IWS1: variants seen among roughly 807,000 people sequenced by gnomAD.
IWS1 encodes the protein interacts with SUPT6H, CTD assembly factor 1.
A neutral mutation model predicts 86.7 loss-of-function variants in IWS1; 27 were observed. The observed-to-expected ratio is 0.31, with a 90% confidence interval of 0.23 to 0.43. The LOEUF is 0.43. IWS1 is among the 20% of genes least tolerant of loss of function. IWS1 has a pLI of 1.00. For synonymous variants in IWS1, 313 were observed against 335.1 expected, an observed-to-expected ratio of 0.93 and a Z score of 0.72; for missense variants, 827 against 1,000.8, an observed-to-expected ratio of 0.83 and a Z score of 2.34.
intron 10 of IWS1, among the ~76,000 whole-genome samples, chr2:127,491,274 A>T (rs577208243): frequency 4.6e-5 from 7 of 152,368 alleles, no homozygotes; most frequent in Admixed American, 4.6e-4. Context: ...AAGAAAACAC[A>T]TAATTATCTC....
intron 2 of IWS1, among the ~76,000 whole-genome samples, chr2:127,507,040 A>T (rs1691184678): frequency 6.6e-6 from 1 of 152,252 alleles, no homozygotes; most frequent in African/African-American, 2.4e-5. Flanking sequence ...TTACTGAGCC[A>T]AATATTTCTT....
Position 127,492,050 on chromosome 2 carries a change from C to A in IWS1, c.1968G>T (p.Gly656=), listed in dbSNP as rs759433869. 3.7e-6 allele frequency: 6 copies of A among 1,614,050 alleles called. No homozygotes were observed. In the South Asian group the frequency reaches 6.6e-5, roughly 18 times the overall value. Residue 656 remains glycine (G), a synonymous_variant, in exon 10 of 14, where the codon GGG becomes GGT. Transcript: ENST00000295321. ...AGAGATACATCACTGCTCGTCCAAT[C>A]CCACTATGCTTCAGGGTCTCCTGGC... is the stretch of plus-strand genomic sequence containing the variant. ...SVSQETLKHS[G]IGRAVMYLYK...
chr2:127,518,309 G>C (rs1366284626), intron 2 of IWS1, among the ~76,000 whole-genome samples: 1 of 152,044 alleles, frequency 6.6e-6, no homozygotes, highest in African/African-American at 2.4e-5. Flanking sequence ...TGAGCTCAGG[G>C]GCTTGACATC....
intron 2 of IWS1, among the ~76,000 whole-genome samples, chr2:127,520,327 C>G: frequency 6.6e-6 from 1 of 152,092 alleles, no homozygotes. Context: ...AACCACCATG[C>G]CTGGCTAATT....
Position 127,513,723 on chromosome 2 carries a change from TTTC to T in IWS1, c.151-7974_151-7972del, listed in dbSNP as rs1202809819. 8.0e-5 allele frequency among the ~76,000 whole-genome samples: 9 copies of T among 112,632 alleles called. No homozygotes were observed. In the South Asian group the frequency reaches 8.9e-4, roughly 11 times the overall value. The allele number at this position is 112,632 out of a possible 152,430, so 73.9% of individuals were successfully genotyped here. A position where few individuals can be genotyped will look rare whatever the true frequency, so the allele number is the denominator to read the frequency against. ...ATGGCATAGTATTCTACCAAATTAT[TTTC>T]TTTTTTATTTGAAACATTAATGAGC... On this transcript the variant is annotated intron_variant, in intron 2 of 13. Coordinates refer to ENST00000295321, the MANE Select transcript of IWS1 (RefSeq NM_017969.3).
At chr2:127,493,471 T>C in intron 8 of IWS1, 61 bp from the exon 9 acceptor site, 1 of 1,469,006 alleles carries the variant, frequency 6.8e-7, no homozygotes, top group African/African-American at 1.4e-5. Context: ...TCTTCCGACT[T>C]TTCTTACATA....
chr2:127,525,489 A>T (rs1442821541), intron 1 of IWS1, among the ~76,000 whole-genome samples: 2 of 152,204 alleles, frequency 1.3e-5, no homozygotes, highest in African/African-American at 4.8e-5. Flanking sequence ...CCCCAACAGG[A>T]CTAGCACACA....
In IWS1 at chr2:127,494,178, G is replaced by A. The variant is rs181458340; in HGVS notation, c.1799+694C>T. On this transcript the variant is annotated intron_variant, in intron 8 of 13. Transcript: ENST00000295321. The stretch of plus-strand genomic sequence containing the variant: ...TACTTTGCCTTTGGGGTGTTGAGAC[G>A]GGAAGATCGGCTGAGCCCAGGAGTT... Among the ~76,000 whole-genome samples the A allele has an allele frequency of 3.3e-4, 50 of 150,262 alleles. No homozygotes were observed. The Middle Eastern group carries it at 0.014, about 41-fold the overall frequency.
At chr2:127,525,988 G>A (rs1573581273) in intron 1 of IWS1, among the ~76,000 whole-genome samples, 187 bp downstream of exon 1, 1 of 152,340 alleles carries the variant, frequency 6.6e-6, no homozygotes, top group South Asian at 2.1e-4. Flanking sequence ...TTTCCCACCA[G>A]AATCCCCTCT....
chr2:127,507,285 C>T (rs1691196650), intron 2 of IWS1, among the ~76,000 whole-genome samples: 1 of 152,090 alleles, frequency 6.6e-6, no homozygotes, highest in Admixed American at 6.5e-5. Flanking sequence ...TATAAAATAG[C>T]CTACAAAGCC....
At chr2:127,487,679 T>C (rs1689998593) in intron 12 of IWS1, among the ~76,000 whole-genome samples, 1 of 152,142 alleles carries the variant, frequency 6.6e-6, no homozygotes, top group Admixed American at 6.5e-5. Flanking sequence ...GCCTACAAAG[T>C]AGCTGGGACT....
At chr2:127,493,836 C>CA (rs35810945) in intron 8 of IWS1, among the ~76,000 whole-genome samples, 29 of 92,966 alleles carry the variant, frequency 3.1e-4, no homozygotes, top group African/African-American at 3.7e-4. Context: ...ACTGGCAGGA[C>CA]AAAAAAAAAA....
At chr2:127,484,304 A>C (rs1000706065) in intron 13 of IWS1, among the ~76,000 whole-genome samples, 1 of 152,120 alleles carries the variant, frequency 6.6e-6, no homozygotes. Flanking sequence ...AGAGTGAGAC[A>C]CCGTCTCAAA....
rs951899251 is a variant in IWS1, at chr2:127,482,733, T to C, written c.2329-1558A>G. On this transcript the variant is annotated intron_variant, in intron 13 of 13. Transcript: ENST00000295321. ...GCCAGTGGGTTACAAAATATATGAC[T>C]GGTAGTTGCAGATGCCTACTTACCC... 5.3e-5 allele frequency: 8 copies of C among 152,242 alleles called. No homozygotes were observed. The East Asian group carries it at 1.2e-3, about 22-fold the overall frequency. 9.4% of individuals were successfully genotyped at this position (152,242 alleles called of 1,614,324 possible). A position where few individuals can be genotyped will look rare whatever the true frequency, so the allele number is the denominator to read the frequency against.
intron 13 of IWS1, chr2:127,482,886 G>A (rs1689706242): frequency 1.3e-5 from 2 of 152,062 alleles, no homozygotes; most frequent in Admixed American, 1.3e-4. Flanking sequence ...ACCAGAGCAA[G>A]GCCAAAAGCA....
intron 9 of IWS1, 69 bp downstream of exon 9, chr2:127,493,212 A>G (rs1214496970): frequency 2.9e-6 from 4 of 1,384,032 alleles, no homozygotes; most frequent in Middle Eastern, 3.8e-4. Flanking sequence ...ACTGTAAACT[A>G]CACAGGTTAT....
intron 10 of IWS1, 83 bp from the exon 11 acceptor site, chr2:127,490,026 G>A: frequency 1.3e-6 from 1 of 765,014 alleles, no homozygotes. Flanking sequence ...AGTGTGAGGG[G>A]ATATTCTAGA....
At position 127,480,869 on chromosome 2, in the gene IWS1, T is replaced by G. The variant is rs996570044; in HGVS notation, c.*175A>C. The G allele has an allele frequency of 1.8e-5, 11 of 623,786 alleles. No individual in the cohort carries two copies. In the South Asian group the frequency reaches 3.0e-4, roughly 17 times the overall value. The allele number at this position is 623,786 out of a possible 1,614,324, so 38.6% of individuals were successfully genotyped here. On this transcript the variant is annotated 3_prime_UTR_variant, in exon 14 of 14. Coordinates refer to ENST00000295321, the MANE Select transcript of IWS1 (RefSeq NM_017969.3). Reference sequence around the variant, plus strand: ...TAGAAGTATGACTAGTATTCCTTTGTACAAAGTACACAACGGTTTTAAATA... The same window carrying G: ...TAGAAGTATGACTAGTATTCCTTTGGACAAAGTACACAACGGTTTTAAATA...
chr2:127,515,632 G>A (rs1442806048), intron 2 of IWS1, among the ~76,000 whole-genome samples: 5 of 152,146 alleles, frequency 3.3e-5, no homozygotes, highest in African/African-American at 4.8e-5. Context: ...AAGCTCTACC[G>A]ACCTCCCCAG....
Sources: allele counts gnomAD v4.1 joint callset (sites outside exome capture counted in the v4.1 genomes callset), GRCh38; gene constraint gnomAD v4.1.1; transcripts MANE v1.5; gene names NCBI Gene and HGNC (gene_info 2026-07-23, HGNC 2026-07-21).